BCL9L: variants seen among roughly 807,000 people sequenced by gnomAD.
BCL9L encodes the protein BCL9 like, also known as B-cell CLL/lymphoma 9-like protein.
A neutral mutation model predicts 99.4 loss-of-function variants in BCL9L; 19 were observed. The ratio of observed to expected loss-of-function variants is 0.19; its 90% CI spans 0.13 to 0.28. The LOEUF (loss-of-function observed/expected upper bound fraction) is 0.28. Among genes scored for constraint, BCL9L ranks in the 10% least tolerant of loss-of-function variants. BCL9L has a pLI of 1.00. For missense variants in BCL9L, 2,023 were observed against 2,101.6 expected (o/e 0.96, Z 0.73); for synonymous variants, 900 against 854.8 (o/e 1.05, Z -0.92).
intron 2 of BCL9L, among the ~76,000 whole-genome samples, chr11:118,917,657 C>A (rs540526015): frequency 6.6e-6 from 1 of 152,234 alleles, no homozygotes; most frequent in South Asian, 2.1e-4. Flanking sequence ...CTGATGTGCC[C>A]GGGGCTTGCC....
chr11:118,898,563 T>A lies in BCL9L; in HGVS notation c.4352A>T (p.His1451Leu). ...GAGGGAGCCCTGCGGGGAGAGCATG[T>A]GGGGCGGCTGGCTGTAGACCTCGCC... is the stretch of plus-strand genomic sequence containing the variant. ...VGGEVYSQPPHMLSPQGSLMG... is the reference protein window; with the variant it reads ...VGGEVYSQPPLMLSPQGSLMG... Residue 1451 changes from histidine to leucine, a missense_variant, in exon 10 of 10, where the codon CAC (histidine) becomes CTC (leucine). Transcript: ENST00000683865. 6.2e-7 allele frequency: 1 copy of A among 1,608,502 alleles called. No homozygotes were observed. Among genetic ancestry groups the A allele is most frequent in the Non-Finnish European group, 8.5e-7 (1 of 1,177,434 alleles).
intron 5 of BCL9L, among the ~76,000 whole-genome samples, chr11:118,904,872 G>A (rs1468398750): frequency 6.6e-6 from 1 of 152,204 alleles, no homozygotes; most frequent in Non-Finnish European, 1.5e-5. Context: ...TTACATAGAA[G>A]AGCAGAGCCA....
At chr11:118,913,651 C>G (rs1310058197) in intron 2 of BCL9L, among the ~76,000 whole-genome samples, 1 of 152,074 alleles carries the variant, frequency 6.6e-6, no homozygotes, top group Non-Finnish European at 1.5e-5. Flanking sequence ...CAGGCACAAA[C>G]AACCAACACA....
rs1940045457 is a variant in BCL9L at position 118,898,729 on chromosome 11, G to C, written c.4186C>G (p.Gln1396Glu). ...GLNMSMCHPG[Q>E]MSLLGRTGVP... ...CCTGTCCTGCCCAGCAAGGACATCT[G>C]TCCAGGGTGGCACATGGACATGTTG... Residue 1396 changes from glutamine to glutamate, a missense_variant, in exon 10 of 10, where the codon CAG becomes GAG. Coordinates refer to ENST00000683865, the MANE Select transcript of BCL9L (RefSeq NM_001378213.1). 1 of 1,613,356 alleles carries C rather than the reference G, an allele frequency of 6.2e-7. No homozygotes were observed. The highest frequency in any genetic ancestry group is 8.5e-7 in the Non-Finnish European group (1 of 1,179,896).
In BCL9L at chr11:118,914,357, A is replaced by T. The variant is rs1242356742; in HGVS notation, c.-76-4342T>A. Among the ~76,000 whole-genome samples the T allele has an allele frequency of 6.6e-6, 1 of 152,116 alleles. No individual in the cohort carries two copies. Among genetic ancestry groups the T allele is most frequent in the African/African-American group, 2.4e-5 (1 of 41,412 alleles). On this transcript the variant is annotated intron_variant, in intron 2 of 9. Transcript: ENST00000683865. This position sits in a 1 kb window ranked among gnomAD's most constrained non-coding sequence, Gnocchi z 4.4. The stretch of plus-strand genomic sequence containing the variant: ...GCAGACTGCTGGCACAGCCAAGCGC[A>T]CCACGGTGGGACCTCACCCAGCGCC...
rs1034028465 is a variant in BCL9L, at chr11:118,898,993, G to C, written c.3922C>G (p.Pro1308Ala). The change falls in exon 10 of 10, where the codon CCC becomes GCC. Residue 1308 changes from proline to alanine, a missense_variant. Coordinates refer to ENST00000683865, the MANE Select transcript of BCL9L (RefSeq NM_001378213.1). ...GGCCGGATCACCTCGCTCAGCTCGG[G>C]GTCGTTCAGCACTGATGCCACCCCA... ...LPGVASVLND[P>A]ELSEVIRPTP... The C allele has an allele frequency of 6.2e-7, 1 of 1,613,884 alleles. No homozygotes were observed. The highest frequency in any genetic ancestry group is 2.2e-5 in the East Asian group (1 of 44,886).
rs1555172907 is a variant in BCL9L, at chr11:118,899,326, GC to G, written c.3588del (p.Pro1198LeufsTer5). ...GCCATCATCATGGAGTTTTGAGGGG[GC>G]CCCCCTGTCCCCTGTGCGTTGGGAT... The part of the protein sequence containing the change: ...PLHPNAQGTG[G>X]PPQNSMMMAP... On this transcript the variant is annotated frameshift_variant, in exon 10 of 10. Coordinates refer to ENST00000683865, the MANE Select transcript of BCL9L (RefSeq NM_001378213.1). LOFTEE classifies it high-confidence loss of function. 10 of 1,558,762 alleles carry G rather than the reference GC, an allele frequency of 6.4e-6. No homozygotes were observed. Among genetic ancestry groups the G allele is most frequent in the South Asian group, 3.6e-5 (3 of 83,258 alleles).
intron 2 of BCL9L, among the ~76,000 whole-genome samples, chr11:118,917,451 C>T (rs1940999290): frequency 6.6e-6 from 1 of 152,110 alleles, no homozygotes; most frequent in Non-Finnish European, 1.5e-5. Context: ...AGGGACATGC[C>T]GAGAAGTTAA....
rs369316730 is a variant in BCL9L, at chr11:118,907,164, G to A, written c.532+319C>T. 2.0e-5 allele frequency among the ~76,000 whole-genome samples: 3 copies of A among 152,152 alleles called. No homozygotes were observed. In the East Asian group the frequency reaches 5.8e-4, roughly 29 times the overall value. Reference sequence around the variant, plus strand: ...TGCCCGGCTCCCAGTGTCCCTGGACGCTTCACCGCCCTCCCTCCACTAACC... The same window carrying A: ...TGCCCGGCTCCCAGTGTCCCTGGACACTTCACCGCCCTCCCTCCACTAACC... On this transcript the variant is annotated intron_variant, in intron 5 of 9. Transcript: ENST00000683865.
At position 118,898,759 on chromosome 11, in the gene BCL9L, C is replaced by A; in HGVS notation, c.4156G>T (p.Gly1386Trp). 1.2e-6 allele frequency: 2 copies of A among 1,613,690 alleles called. No individual in the cohort carries two copies. Among genetic ancestry groups the A allele is most frequent in the South Asian group, 2.2e-5 (2 of 91,078 alleles). Residue 1386 changes from glycine to tryptophan, a missense_variant, in exon 10 of 10, where the codon GGG (glycine) becomes TGG (tryptophan). Gly to Trp is a radical substitution (Grantham distance 184). Transcript: ENST00000683865. ...GGGTGGCACATGGACATGTTGAGCC[C>A]CCGCTGGACGCCCTGCTGGCCTGGG... ...NLPGQQGVQR[G>W]LNMSMCHPGQ...
rs541950551 is a variant in BCL9L, at chr11:118,905,559, G to T, written c.532+1924C>A. Among the ~76,000 whole-genome samples the T allele has an allele frequency of 2.7e-5, 4 of 146,416 alleles. No individual in the cohort carries two copies. The East Asian group carries it at 8.0e-4, about 29-fold the overall frequency. On this transcript the variant is annotated intron_variant, in intron 5 of 9. Coordinates refer to ENST00000683865, the MANE Select transcript of BCL9L (RefSeq NM_001378213.1). ...GAATCAGGCCGGGTGGCTCACGCCTGTAATCCCAGCACTTTGGGGGGCTGA... is the reference window on the plus strand; with the variant it reads ...GAATCAGGCCGGGTGGCTCACGCCTTTAATCCCAGCACTTTGGGGGGCTGA...
intron 2 of BCL9L, among the ~76,000 whole-genome samples, chr11:118,916,384 C>A (rs961400789): frequency 2.0e-5 from 3 of 152,174 alleles, no homozygotes; most frequent in African/African-American, 7.2e-5. Context: ...TTGTGGGCAC[C>A]CCATCCCTGC....
chr11:118,910,991 C>G (rs1209435165), intron 2 of BCL9L: 1 of 282,110 alleles, frequency 3.5e-6, no homozygotes, highest in African/African-American at 2.3e-5. Context: ...CGCGCAGACA[C>G]CGGGGCTGCC....
rs559155341 is a variant in BCL9L at position 118,897,372 on chromosome 11, A to T, written c.*1043T>A. On this transcript the variant is annotated 3_prime_UTR_variant, in exon 10 of 10. Transcript: ENST00000683865. ...TTCCTTCATCCCAAACTGGGACAAA[A>T]GACTTCAAGTTCTGGCTAAGATGTA... 2 of 182,904 alleles carry T rather than the reference A, an allele frequency of 1.1e-5. No individual in the cohort carries two copies. The highest frequency in any genetic ancestry group is 2.3e-5 in the Non-Finnish European group (2 of 85,320). The allele number at this position is 182,904 out of a possible 1,614,324, so 11.3% of individuals were successfully genotyped here. A position where few individuals can be genotyped will look rare whatever the true frequency, so the allele number is the denominator to read the frequency against.
rs1230527817 is a variant in BCL9L at position 118,903,944 on chromosome 11, G to A, written c.533-492C>T. Among the ~76,000 whole-genome samples the A allele has an allele frequency of 6.6e-6, 1 of 152,210 alleles. No homozygotes were observed. Among genetic ancestry groups the A allele is most frequent in the African/African-American group, 2.4e-5 (1 of 41,444 alleles). On this transcript the variant is annotated intron_variant, in intron 5 of 9. Transcript: ENST00000683865. This position sits in a 1 kb window ranked among gnomAD's most constrained non-coding sequence, Gnocchi z 5.6. ...AGGCAGAGAGGGTACACAAGCTGAT[G>A]ATCCAAATGATGGATGGTTTTTCAC...
chr11:118,899,464 C>T lies in BCL9L; in HGVS notation c.3451G>A (p.Ala1151Thr), dbSNP rs576679220. The T allele has an allele frequency of 1.1e-5, 18 of 1,608,038 alleles. No individual in the cohort carries two copies. The highest frequency in any genetic ancestry group is 6.7e-5 in the African/African-American group (5 of 74,972). The stretch of plus-strand genomic sequence containing the variant: ...TTCATGCCCATAGGGCTCTGGGCAG[C>T]GGCTGAGTTCAGGTGCATCTGGCTG... The part of the protein sequence containing the change: ...QPSQMHLNSA[A>T]AQSPMGMNLP... Residue 1151 changes from alanine to threonine, a missense_variant, in exon 10 of 10, where the codon GCT (alanine) becomes ACT (threonine). Coordinates refer to ENST00000683865, the MANE Select transcript of BCL9L (RefSeq NM_001378213.1).
intron 5 of BCL9L, among the ~76,000 whole-genome samples, chr11:118,905,839 T>C (rs956884556): frequency 1.3e-5 from 2 of 151,356 alleles, no homozygotes; most frequent in Admixed American, 6.6e-5. Flanking sequence ...AATAAATAAA[T>C]AAATAAAAGA....
In BCL9L at chr11:118,903,432, C is replaced by T. The variant is rs1940378177; in HGVS notation, c.553G>A (p.Ala185Thr). The change falls in exon 6 of 10, where the codon GCC becomes ACC. Residue 185 changes from alanine (A) to threonine (T), a missense_variant. Around this residue, in one of 3 missense-constraint regions of BCL9L, gnomAD observed 1,116 missense variants for 1,194.6 expected, o/e 0.93. Coordinates refer to ENST00000683865, the MANE Select transcript of BCL9L (RefSeq NM_001378213.1). The surrounding 1 kb of genome is among the most constrained non-coding windows in gnomAD (Gnocchi z 5.6). Reference protein sequence around the residue: ...ATHNCNVADPAMAAPQLGPGQ... With the variant: ...ATHNCNVADPTMAAPQLGPGQ... ...GGACCCAGCTGTGGGGCCGCCATGG[C>T]TGGGTCTGCTACATTACAATCTGCA... 6.2e-7 allele frequency: 1 copy of T among 1,613,232 alleles called. No individual in the cohort carries two copies. Among genetic ancestry groups the T allele is most frequent in the East Asian group, 2.2e-5 (1 of 44,866 alleles).
At position 118,903,332 on chromosome 11, in the gene BCL9L, C is replaced by T. The variant is rs1200604418; in HGVS notation, c.653G>A (p.Arg218Gln). The T allele has an allele frequency of 1.1e-5, 18 of 1,589,676 alleles. No homozygotes were observed. Among genetic ancestry groups the T allele is most frequent in the East Asian group, 2.3e-5 (1 of 43,898 alleles). The change falls in exon 6 of 10, where the codon CGG becomes CAG. Residue 218 changes from arginine (R) to glutamine (Q), a missense_variant. Around this residue, in one of 3 missense-constraint regions of BCL9L, gnomAD observed 1,116 missense variants for 1,194.6 expected, o/e 0.93. Transcript: ENST00000683865. The surrounding 1 kb of genome is among the most constrained non-coding windows in gnomAD (Gnocchi z 5.6). ...GCCCCCGCCCCCAGGGGCATCAGGC[C>T]GAAGGCCAGGAGGAGGGCCGTGCGG... ...GAPHGPPPGL[R>Q]PDAPGGGGGG...
Sources: gnomAD v4.1 joint callset for allele counts (sites outside exome capture counted in the v4.1 genomes callset) on GRCh38, gnomAD v4.1.1 for gene constraint, gnomAD v4.1.1 regional missense constraint, Gnocchi (gnomAD v3.1) non-coding constraint, MANE v1.5 for transcripts, NCBI Gene and HGNC (gene_info 2026-07-23, HGNC 2026-07-21) for gene names.